The following SLC16A7 variants were observed in gnomAD, a reference collection of about 807,000 sequenced individuals.
SLC16A7 encodes monocarboxylate transporter 2.
In SLC16A7, 33 loss-of-function variants were observed where a neutral mutation model predicts 34.9. The ratio of observed to expected loss-of-function variants is 0.94; its 90% CI spans 0.72 to 1.26. The LOEUF (loss-of-function observed/expected upper bound fraction) is 1.26, where lower values mean the gene tolerates loss of function less well. Ranked by LOEUF, SLC16A7 falls within the 50% of genes most tolerant of loss-of-function variation. The pLI is 0.00. For missense variants in SLC16A7, 573 were observed against 578.1 expected (o/e 0.99, Z 0.09); for synonymous variants, 201 against 206.6 (o/e 0.97, Z 0.23).
intron 3 of SLC16A7, among the ~76,000 whole-genome samples, chr12:59,751,273 A>C (rs2137328864): frequency 6.6e-6 from 1 of 152,316 alleles, no homozygotes; most frequent in Non-Finnish European, 1.5e-5. Flanking sequence ...GGTGCAGCGC[A>C]CCGTGTGCGA....
chr12:59,700,492 TTAAA>T (rs1434268901), intron 2 of SLC16A7, among the ~76,000 whole-genome samples: 2 of 149,060 alleles, frequency 1.3e-5, no homozygotes, highest in African/African-American at 2.4e-5. Context: ...AATAATTGTA[TTAAA>T]TAATTATTTA....
intron 3 of SLC16A7, among the ~76,000 whole-genome samples, chr12:59,742,252 A>C (rs1454309423): frequency 1.3e-5 from 2 of 152,178 alleles, no homozygotes; most frequent in South Asian, 4.1e-4. Flanking sequence ...CTTAATGCTC[A>C]TGTCCAGGAA....
intron 5 of SLC16A7, among the ~76,000 whole-genome samples, chr12:59,778,026 C>T (rs1383833984): frequency 6.6e-6 from 1 of 151,898 alleles, no homozygotes; most frequent in Non-Finnish European, 1.5e-5. Context: ...TGTATATGTG[C>T]CCCATTTTCT....
chr12:59,616,397 G>A (rs1879450912), intron 1 of SLC16A7, among the ~76,000 whole-genome samples: 1 of 151,958 alleles, frequency 6.6e-6, no homozygotes, highest in Admixed American at 6.6e-5. Context: ...TTCTGGGTAG[G>A]CCATTAAACA....
At chr12:59,628,555 C>A (rs748586495) in intron 1 of SLC16A7, among the ~76,000 whole-genome samples, 8 of 151,828 alleles carry the variant, frequency 5.3e-5, no homozygotes, top group Non-Finnish European at 1.0e-4. Context: ...CCTCTGGTAG[C>A]TTTTAGCACA....
Position 59,779,754 on chromosome 12 carries a change from AT to A in SLC16A7, c.*77del, listed in dbSNP as rs1336953919. ...GTTTTTCATTTTGTTTTTTTAAAGT[AT>A]TAGAAAAGGTTTTAGCTGAAATGAG... On this transcript the variant is annotated 3_prime_UTR_variant, in exon 6 of 6. Transcript: ENST00000547379. 2.2e-5 allele frequency: 28 copies of A among 1,247,746 alleles called. No individual in the cohort carries two copies. The African/African-American group carries it at 2.6e-4, about 11-fold the overall frequency. 77.3% of individuals were successfully genotyped at this position (1,247,746 alleles called of 1,614,324 possible).
chr12:59,754,155 G>T (rs976878667), intron 3 of SLC16A7, among the ~76,000 whole-genome samples: 1 of 152,084 alleles, frequency 6.6e-6, no homozygotes, highest in Admixed American at 6.5e-5. Context: ...GAGAAAGCAG[G>T]AAAGATCAAA....
intron 3 of SLC16A7, among the ~76,000 whole-genome samples, chr12:59,743,041 TA>T (rs1188499478): frequency 2.0e-5 from 3 of 152,190 alleles, no homozygotes; most frequent in African/African-American, 7.2e-5. Context: ...TTTCAGAACT[TA>T]ATTATGTATA....
In SLC16A7 at chr12:59,619,579, C is replaced by T. The variant is rs78721555; in HGVS notation, c.-130+23343C>T. On this transcript the variant is annotated intron_variant, in intron 1 of 5. Transcript: ENST00000547379. ...TCACACCAGAAAGGCAGGTCTTTGA[C>T]TTCCTGCTGACAGATTTTAAGATAA... 5.2e-3 allele frequency among the ~76,000 whole-genome samples: 785 copies of T among 152,130 alleles called. 3 individuals carry two copies. The highest frequency in any genetic ancestry group is 8.5e-3 in the Non-Finnish European group (579 of 67,962).
chr12:59,666,958 G>T (rs1457105739), intron 2 of SLC16A7, among the ~76,000 whole-genome samples: 1 of 152,120 alleles, frequency 6.6e-6, no homozygotes, highest in African/African-American at 2.4e-5. Flanking sequence ...CCAGAGACTG[G>T]GAAGAAAAAG....
At chr12:59,681,715 T>C (rs1260652579) in intron 2 of SLC16A7, among the ~76,000 whole-genome samples, 1 of 152,184 alleles carries the variant, frequency 6.6e-6, no homozygotes, top group Non-Finnish European at 1.5e-5. Flanking sequence ...CAAACAGTGA[T>C]TCAATGTATA....
At chr12:59,767,989 T>C (rs1881849957) in intron 3 of SLC16A7, 1 of 336,142 alleles carries the variant, frequency 3.0e-6, no homozygotes, top group Non-Finnish European at 5.9e-6. Flanking sequence ...ATATACCTAA[T>C]GTAAATGAGG....
rs577225886 is a variant in SLC16A7 at position 59,596,168 on chromosome 12, G to A, written c.-198G>A. 1 of 152,540 alleles carries A rather than the reference G, an allele frequency of 6.6e-6. No homozygotes were observed. Among genetic ancestry groups the A allele is most frequent in the East Asian group, 1.9e-4 (1 of 5,156 alleles). 9.4% of individuals were successfully genotyped at this position (152,540 alleles called of 1,614,324 possible). ...AATTCCATTCACCCGTTGACAGCGA[G>A]GCGAATCGGCTGCGGTTTGCTGGGA... On this transcript the variant is annotated 5_prime_UTR_variant, in exon 1 of 6. Coordinates refer to ENST00000547379, the MANE Select transcript of SLC16A7 (RefSeq NM_001270623.2). This position sits in a 1 kb window ranked among gnomAD's most constrained non-coding sequence, Gnocchi z 5.0.
At chr12:59,727,805 TG>T (rs35189005) in intron 3 of SLC16A7, among the ~76,000 whole-genome samples, 18,647 of 151,940 alleles carry the variant, frequency 0.12, 1,498 homozygotes, top group African/African-American at 0.22. Context: ...TTAATTGTGT[TG>T]GGGGGGAGGT....
intron 1 of SLC16A7, among the ~76,000 whole-genome samples, chr12:59,615,497 A>T (rs1879408499): frequency 6.6e-6 from 1 of 152,162 alleles, no homozygotes; most frequent in Non-Finnish European, 1.5e-5. Context: ...TTGTAAGAGG[A>T]ATTTTCTGAT....
At chr12:59,740,469 C>G (rs1219589324) in intron 3 of SLC16A7, among the ~76,000 whole-genome samples, 2 of 152,126 alleles carry the variant, frequency 1.3e-5, no homozygotes, top group African/African-American at 4.8e-5. Flanking sequence ...AGTTTGAAGT[C>G]AGGTAGCAGA....
At chr12:59,732,375 G>C (rs1234592017) in intron 3 of SLC16A7, among the ~76,000 whole-genome samples, 1 of 152,092 alleles carries the variant, frequency 6.6e-6, no homozygotes, top group Non-Finnish European at 1.5e-5. Flanking sequence ...AGCCGAGATC[G>C]CGCCACTGCA....
intron 3 of SLC16A7, among the ~76,000 whole-genome samples, chr12:59,712,497 C>T (rs1592553081): frequency 6.6e-6 from 1 of 152,132 alleles, no homozygotes; most frequent in East Asian, 1.9e-4. Flanking sequence ...TCTGACTCCC[C>T]AAGGGAAAAG....
chr12:59,653,241 A>C (rs1233683944), intron 1 of SLC16A7, among the ~76,000 whole-genome samples: 2 of 151,792 alleles, frequency 1.3e-5, no homozygotes, highest in Non-Finnish European at 3.0e-5. Context: ...TGTTAAAAGA[A>C]ATTTTTAGTT....
Sources: gnomAD v4.1 joint callset for allele counts (sites outside exome capture counted in the v4.1 genomes callset) on GRCh38, gnomAD v4.1.1 for gene constraint, Gnocchi (gnomAD v3.1) non-coding constraint, MANE v1.5 for transcripts, NCBI Gene and HGNC (gene_info 2026-07-23, HGNC 2026-07-21) for gene names.